The following SMC6 variants were observed in gnomAD, a reference collection of about 807,000 sequenced individuals.
The protein encoded by SMC6 is structural maintenance of chromosomes protein 6.
A neutral mutation model predicts 142.2 loss-of-function variants in SMC6; 79 were observed. The observed-to-expected ratio is 0.56, with a 90% confidence interval of 0.46 to 0.67. The LOEUF is 0.67. Ranked by LOEUF, SMC6 falls within the 30% of genes least tolerant of loss-of-function variation. SMC6 has a pLI of 0.00. For missense variants in SMC6, 1,072 were observed against 1,284.0 expected (o/e 0.83, Z 2.52); for synonymous variants, 411 against 412.4 (o/e 1.00, Z 0.04).
At chr2:17,725,948 C>A (rs1249816899) in intron 8 of SMC6, among the ~76,000 whole-genome samples, 1 of 151,782 alleles carries the variant, frequency 6.6e-6, no homozygotes, top group African/African-American at 2.4e-5. Context: ...ATTAGCTAGA[C>A]ATGCTGTCAC....
intron 9 of SMC6, among the ~76,000 whole-genome samples, chr2:17,721,868 G>C (rs1669389699): frequency 6.6e-6 from 1 of 151,952 alleles, no homozygotes; most frequent in South Asian, 2.1e-4. Context: ...GCTAATTTTT[G>C]TATTTTTGGT....
rs1292617954 is a variant in SMC6, at chr2:17,665,446, T to G, written c.*53A>C. 18 of 1,272,702 alleles carry G rather than the reference T, an allele frequency of 1.4e-5. No individual in the cohort carries two copies. In the East Asian group the frequency reaches 4.5e-4, roughly 32 times the overall value. 78.8% of individuals were successfully genotyped at this position (1,272,702 alleles called of 1,614,324 possible). A position where few individuals can be genotyped will look rare whatever the true frequency, so the allele number is the denominator to read the frequency against. On this transcript the variant is annotated 3_prime_UTR_variant, in exon 28 of 28. Coordinates refer to ENST00000448223, the MANE Select transcript of SMC6 (RefSeq NM_001142286.2). ...TATTATATCAAAGAGTCCAGAATTT[T>G]TTTTCCCTTCACAAATCCTTCAACA...
intron 25 of SMC6, among the ~76,000 whole-genome samples, chr2:17,677,964 C>T (rs867629504): frequency 9.2e-5 from 14 of 151,872 alleles, no homozygotes; most frequent in African/African-American, 3.4e-4. Context: ...GAAAATTCTG[C>T]CCCAGAATAT....
intron 16 of SMC6, among the ~76,000 whole-genome samples, chr2:17,713,759 G>T (rs572997579): frequency 6.6e-6 from 1 of 152,284 alleles, no homozygotes; most frequent in Non-Finnish European, 1.5e-5. Flanking sequence ...TATCAAAAAT[G>T]CAAATGCTAT....
At chr2:17,707,995 TATAC>T (rs1304500627) in intron 17 of SMC6, among the ~76,000 whole-genome samples, 5 of 102,528 alleles carry the variant, frequency 4.9e-5, no homozygotes, top group Admixed American at 4.3e-4. Context: ...TATGTATATA[TATAC>T]ACACACACAC....
chr2:17,749,412 G>C (rs898434887), intron 2 of SMC6, among the ~76,000 whole-genome samples: 1 of 152,222 alleles, frequency 6.6e-6, no homozygotes, highest in African/African-American at 2.4e-5. Flanking sequence ...ATTAATGGCC[G>C]GGCGCGGTGG....
chr2:17,715,047 C>T lies in SMC6; in HGVS notation c.1544G>A (p.Arg515Gln), dbSNP rs202190810. ...VGPLGACIHL[R>Q]DPELALAIES... ...AATAGCCAAAGCAAGTTCTGGGTCC[C>T]GAAGATGAATGCAAGCTCCTAAAAG... is the stretch of plus-strand genomic sequence containing the variant. Residue 515 changes from arginine to glutamine, a missense_variant, in exon 16 of 28, where the codon CGG becomes CAG. Physicochemically the swap from Arg to Gln is conservative, Grantham distance 43. Coordinates refer to ENST00000448223, the MANE Select transcript of SMC6 (RefSeq NM_001142286.2). 311 of 1,613,136 alleles carry T rather than the reference C, an allele frequency of 1.9e-4. No homozygotes were observed. The Middle Eastern group carries it at 3.0e-3, about 15-fold the overall frequency.
chr2:17,666,627 C>A, intron 26 of SMC6, 110 bp from the exon 27 acceptor site: 2 of 735,894 alleles, frequency 2.7e-6, no homozygotes, highest in South Asian at 1.6e-5. Context: ...AGGGATCAGT[C>A]ATTACATTAT....
rs1442088965 is a variant in SMC6, at chr2:17,664,312, A to G, written c.*1187T>C. ...TGAACTTCTCATTTGGCAAACCTCA[A>G]TTTAAGACTAAAGTATCTTAAACTT... On this transcript the variant is annotated 3_prime_UTR_variant, in exon 28 of 28. Coordinates refer to ENST00000448223, the MANE Select transcript of SMC6 (RefSeq NM_001142286.2). 1.3e-5 allele frequency: 2 copies of G among 152,214 alleles called. No homozygotes were observed. Among genetic ancestry groups the G allele is most frequent in the Non-Finnish European group, 2.9e-5 (2 of 68,032 alleles). 9.4% of individuals were successfully genotyped at this position (152,214 alleles called of 1,614,324 possible). A position where few individuals can be genotyped will look rare whatever the true frequency, so the allele number is the denominator to read the frequency against.
chr2:17,692,949 GA>G (rs1667802148), intron 23 of SMC6, among the ~76,000 whole-genome samples: 1 of 152,166 alleles, frequency 6.6e-6, no homozygotes, highest in Admixed American at 6.5e-5. Context: ...AAAGACGCAT[GA>G]AAAAATGCTC....
intron 5 of SMC6, among the ~76,000 whole-genome samples, chr2:17,736,053 C>G (rs146959687): frequency 2.0e-5 from 3 of 152,184 alleles, no homozygotes; most frequent in Non-Finnish European, 4.4e-5. Context: ...AAAACCTCAA[C>G]AAGCTGATTC....
chr2:17,736,570 G>T (rs1670162937), intron 5 of SMC6, among the ~76,000 whole-genome samples: 2 of 152,120 alleles, frequency 1.3e-5, no homozygotes, highest in South Asian at 4.2e-4. Flanking sequence ...CTAAGAAATG[G>T]ATAGTTAAGT....
chr2:17,721,091 A>G (rs779897946), intron 10 of SMC6, 51 bp downstream of exon 10: 2 of 1,612,260 alleles, frequency 1.2e-6, no homozygotes, highest in Non-Finnish European at 8.5e-7. Context: ...ATAACCAAAT[A>G]CATTCTGCAT....
intron 2 of SMC6, among the ~76,000 whole-genome samples, chr2:17,750,003 C>T (rs902927244): frequency 6.6e-6 from 1 of 152,188 alleles, no homozygotes; most frequent in Non-Finnish European, 1.5e-5. Flanking sequence ...TAAACAACTT[C>T]ATTTTGAATG....
Position 17,731,763 on chromosome 2 carries a change from A to C in SMC6, c.459T>G (p.Ser153=). ...QQHISIDGSR[S]YKLKSATGSV... is the part of the protein sequence containing the mutation. ...AACCTGTTGCACTTTTAAGTTTATA[A>C]GATCGACTTCCATCTATGCTGATGT... is the stretch of plus-strand genomic sequence containing the variant. The change falls in exon 6 of 28, where the codon TCT becomes TCG. Residue 153 remains serine (S), a synonymous_variant. Transcript: ENST00000448223. 6.2e-7 allele frequency: 1 copy of C among 1,612,802 alleles called. No homozygotes were observed. The highest frequency in any genetic ancestry group is 8.5e-7 in the Non-Finnish European group (1 of 1,179,540).
intron 23 of SMC6, among the ~76,000 whole-genome samples, chr2:17,687,407 A>T (rs554632406): frequency 6.6e-6 from 1 of 152,320 alleles, no homozygotes; most frequent in South Asian, 2.1e-4. Flanking sequence ...AGACTCACAA[A>T]ACAGAGTACA....
At chr2:17,693,324 G>A (rs1553311600) in intron 23 of SMC6, among the ~76,000 whole-genome samples, 2 of 151,860 alleles carry the variant, frequency 1.3e-5, no homozygotes, top group South Asian at 2.1e-4. Flanking sequence ...ATGATAGACT[G>A]GAAAATGTGG....
rs1231038086 is a variant in SMC6, at chr2:17,697,143, A to ATTT, written c.2395-718_2395-717insAAA. 3.9e-5 allele frequency among the ~76,000 whole-genome samples: 6 copies of ATTT among 152,230 alleles called. No individual in the cohort carries two copies. The East Asian group carries it at 7.7e-4, about 20-fold the overall frequency. On this transcript the variant is annotated intron_variant, in intron 21 of 27. Coordinates refer to ENST00000448223, the MANE Select transcript of SMC6 (RefSeq NM_001142286.2). ...AATATAGAATGCTTTCTTTCTAAGAACAAGAGCAAGGTAAGGACTTCCAGT... is the reference window on the plus strand; with the variant it reads ...AATATAGAATGCTTTCTTTCTAAGAATTTCAAGAGCAAGGTAAGGACTTCCAGT...
intron 27 of SMC6, 37 bp from the exon 28 acceptor site, chr2:17,665,650 A>C (rs759662468): frequency 7.3e-7 from 1 of 1,367,410 alleles, no homozygotes; most frequent in Non-Finnish European, 1.0e-6. Flanking sequence ...AATTTCCAAG[A>C]AACCTTTTAC....
Sources: gnomAD v4.1 joint callset for allele counts (sites outside exome capture counted in the v4.1 genomes callset) on GRCh38, gnomAD v4.1.1 for gene constraint, MANE v1.5 for transcripts, NCBI Gene and HGNC (gene_info 2026-07-23, HGNC 2026-07-21) for gene names.